The following RHOB variants were observed in gnomAD, a reference collection of about 807,000 sequenced individuals.
RHOB encodes the protein ras homolog family member B, also known as rho-related GTP-binding protein RhoB.
Under a neutral mutation model 12.9 loss-of-function variants are expected in RHOB, and 6 were observed. That is an observed-to-expected ratio of 0.47 (90% CI 0.25 to 0.92). The LOEUF (loss-of-function observed/expected upper bound fraction) is 0.92. Ranked by LOEUF, RHOB falls within the 40% of genes least tolerant of loss-of-function variation. RHOB has a pLI of 0.16. For missense variants in RHOB, 142 were observed against 277.9 expected (o/e 0.51, Z 3.48); for synonymous variants, 168 against 122.1 (o/e 1.38, Z -2.48).
rs1375349744 is a variant in RHOB at position 20,448,164 on chromosome 2, C to A, written c.*108C>A. Reference sequence around the variant, plus strand: ...CCGTGTCCCACAAGGACCCCACCGGCCTGCCTGGCATCTGTCTGCTGACGC... The same window carrying A: ...CCGTGTCCCACAAGGACCCCACCGGACTGCCTGGCATCTGTCTGCTGACGC... On this transcript the variant is annotated 3_prime_UTR_variant, in exon 1 of 1. Coordinates refer to ENST00000272233, the MANE Select transcript of RHOB (RefSeq NM_004040.4). The A allele has an allele frequency of 8.9e-6, 9 of 1,005,640 alleles. No homozygotes were observed. Among genetic ancestry groups the A allele is most frequent in the African/African-American group, 6.5e-5 (4 of 61,330 alleles). 62.3% of individuals were successfully genotyped at this position (1,005,640 alleles called of 1,614,324 possible). A position where few individuals can be genotyped will look rare whatever the true frequency, so the allele number is the denominator to read the frequency against.
rs765233883 is a variant in RHOB, at chr2:20,448,090, C to T, written c.*34C>T. 6.4e-7 allele frequency: 1 copy of T among 1,554,264 alleles called. No homozygotes were observed. Among genetic ancestry groups the T allele is most frequent in the Non-Finnish European group, 8.8e-7 (1 of 1,139,030 alleles). ...CCCGTCGCGCCTGCCCCTGCCGGCACGGCTCCCCCTCCTGGACCAGTCCCC... is the reference window on the plus strand; with the variant it reads ...CCCGTCGCGCCTGCCCCTGCCGGCATGGCTCCCCCTCCTGGACCAGTCCCC... On this transcript the variant is annotated 3_prime_UTR_variant, in exon 1 of 1. Transcript: ENST00000272233.
In RHOB at chr2:20,447,789, C is replaced by A. The variant is rs1368771779; in HGVS notation, c.324C>A (p.Pro108=). The change falls in exon 1 of 1, where the codon CCC becomes CCA. Residue 108 remains proline (P), a synonymous_variant. Coordinates refer to ENST00000272233, the MANE Select transcript of RHOB (RefSeq NM_004040.4). The part of the protein sequence containing the change: ...KWVPEVKHFC[P]NVPIILVANK... Reference sequence around the variant, plus strand: ...TCCCCGAGGTGAAGCACTTCTGTCCCAATGTGCCCATCATCCTGGTGGCCA... The same window carrying A: ...TCCCCGAGGTGAAGCACTTCTGTCCAAATGTGCCCATCATCCTGGTGGCCA... 1 of 1,613,996 alleles carries A rather than the reference C, an allele frequency of 6.2e-7. No homozygotes were observed. Among genetic ancestry groups the A allele is most frequent in the Non-Finnish European group, 8.5e-7 (1 of 1,180,008 alleles).
chr2:20,447,099 C>G lies in RHOB; in HGVS notation c.-367C>G, dbSNP rs376654937. 10 of 209,178 alleles carry G rather than the reference C, an allele frequency of 4.8e-5. No homozygotes were observed. In the East Asian group the frequency reaches 6.5e-4, roughly 13 times the overall value. 13.0% of individuals were successfully genotyped at this position (209,178 alleles called of 1,614,324 possible). A position where few individuals can be genotyped will look rare whatever the true frequency, so the allele number is the denominator to read the frequency against. On this transcript the variant is annotated 5_prime_UTR_variant, in exon 1 of 1. Transcript: ENST00000272233. ...ATCTGCCACCGCAGTCTGGTTGGAG[C>G]TGTTGTCTTGTATGCTCAGCGAGGC...
At position 20,447,750 on chromosome 2, in the gene RHOB, C is replaced by T; in HGVS notation, c.285C>T (p.Ile95=). 1 of 1,614,036 alleles carries T rather than the reference C, an allele frequency of 6.2e-7. No homozygotes were observed. ...SVDSPDSLEN[I]PEKWVPEVKH... ...ACAGCCCGGACTCGCTGGAGAACAT[C>T]CCCGAGAAGTGGGTCCCCGAGGTGA... The change falls in exon 1 of 1, where the codon ATC becomes ATT. Residue 95 remains isoleucine, a synonymous_variant. Coordinates refer to ENST00000272233, the MANE Select transcript of RHOB (RefSeq NM_004040.4).
In RHOB at chr2:20,449,302, ATTG is replaced by A. The variant is rs56774510; in HGVS notation, c.*1251_*1253del. The stretch of plus-strand genomic sequence containing the variant: ...TCCCTCCCAGTGGTACTTCTACTAA[ATTG>A]TTGTCTTGTTTTTTATTTTTTAAAT... On this transcript the variant is annotated 3_prime_UTR_variant, in exon 1 of 1. Coordinates refer to ENST00000272233, the MANE Select transcript of RHOB (RefSeq NM_004040.4). 0.13 allele frequency: 21,436 copies of A among 166,808 alleles called. 1,585 individuals are homozygous for A. The highest frequency in any genetic ancestry group is 0.19 in the African/African-American group (7,749 of 41,392). 10.3% of individuals were successfully genotyped at this position (166,808 alleles called of 1,614,324 possible).
rs1482397760 is a variant in RHOB at position 20,447,373 on chromosome 2, C to T, written c.-93C>T. On this transcript the variant is annotated 5_prime_UTR_variant, in exon 1 of 1. Transcript: ENST00000272233. ...GGTGCAGCTAGCGACCCTCTCGCCA[C>T]CTGCGCGCAGCCCGAGGTGAGCAGT... 4.0e-6 allele frequency: 4 copies of T among 1,010,880 alleles called. No homozygotes were observed. The highest frequency in any genetic ancestry group is 3.5e-5 in the Admixed American group (1 of 28,278). The allele number at this position is 1,010,880 out of a possible 1,614,324, so 62.6% of individuals were successfully genotyped here.
Position 20,447,479 on chromosome 2 carries a change from G to T in RHOB, c.14G>T (p.Arg5Leu). 2 of 1,609,392 alleles carry T rather than the reference G, an allele frequency of 1.2e-6. No individual in the cohort carries two copies. Among genetic ancestry groups the T allele is most frequent in the Non-Finnish European group, 1.7e-6 (2 of 1,177,494 alleles). Residue 5 changes from arginine (R) to leucine (L), a missense_variant, in exon 1 of 1, where the codon CGC (arginine) becomes CTC (leucine). Arg to Leu is a moderately radical substitution (Grantham distance 102, BLOSUM62 -2). Around this residue, in one of 2 missense-constraint regions of RHOB, gnomAD observed 29 missense variants for 111.5 expected, o/e 0.26. Transcript: ENST00000272233. MAAI[R>L]KKLVVVGDGA... ...CCCGGCCCGCTCATGGCGGCCATCC[G>T]CAAGAAGCTGGTGGTGGTGGGCGAC... is the stretch of plus-strand genomic sequence containing the variant.
Position 20,447,678 on chromosome 2 carries a change from G to T in RHOB, c.213G>T (p.Pro71=). ...AGQEDYDRLR[P]LSYPDTDVIL... ...AGGAGGACTACGACCGCCTGCGGCC[G>T]CTCTCCTACCCGGACACCGACGTCA... is the stretch of plus-strand genomic sequence containing the variant. The change falls in exon 1 of 1, where the codon CCG becomes CCT. Residue 71 remains proline (P), a synonymous_variant. Transcript: ENST00000272233. 2.5e-6 allele frequency: 4 copies of T among 1,613,844 alleles called. No homozygotes were observed. The highest frequency in any genetic ancestry group is 2.5e-6 in the Non-Finnish European group (3 of 1,179,902).
Position 20,448,612 on chromosome 2 carries a change from G to T in RHOB, c.*556G>T, listed in dbSNP as rs892831018. 2.4e-5 allele frequency: 4 copies of T among 167,322 alleles called. No homozygotes were observed. The highest frequency in any genetic ancestry group is 9.6e-5 in the African/African-American group (4 of 41,452). 10.4% of individuals were successfully genotyped at this position (167,322 alleles called of 1,614,324 possible). A position where few individuals can be genotyped will look rare whatever the true frequency, so the allele number is the denominator to read the frequency against. ...GTTATTTAAGGGTGGTGATGGGTGAGCGCTCTGGCCCAGGCTGGGCCAGAC... is the reference window on the plus strand; with the variant it reads ...GTTATTTAAGGGTGGTGATGGGTGATCGCTCTGGCCCAGGCTGGGCCAGAC... On this transcript the variant is annotated 3_prime_UTR_variant, in exon 1 of 1. Transcript: ENST00000272233.
Position 20,448,070 on chromosome 2 carries a change from C to G in RHOB, c.*14C>G. 6.3e-7 allele frequency: 1 copy of G among 1,589,076 alleles called. No homozygotes were observed. The highest frequency in any genetic ancestry group is 8.6e-7 in the Non-Finnish European group (1 of 1,165,044). ...AAGGTGCTATGAGGGCCGCGCCCGT[C>G]GCGCCTGCCCCTGCCGGCACGGCTC... On this transcript the variant is annotated 3_prime_UTR_variant, in exon 1 of 1. Coordinates refer to ENST00000272233, the MANE Select transcript of RHOB (RefSeq NM_004040.4).
In RHOB at chr2:20,447,442, C is replaced by T; in HGVS notation, c.-24C>T. The T allele has an allele frequency of 1.9e-6, 3 of 1,575,040 alleles. No homozygotes were observed. The highest frequency in any genetic ancestry group is 2.6e-6 in the Non-Finnish European group (3 of 1,158,082). On this transcript the variant is annotated 5_prime_UTR_variant, in exon 1 of 1. Coordinates refer to ENST00000272233, the MANE Select transcript of RHOB (RefSeq NM_004040.4). ...CAGCGAGGCGTTCGCGGGCCCCCTC[C>T]TGCTGCCCGGGCCCGGCCCGCTCAT...
In RHOB at chr2:20,447,603, T is replaced by C. The variant is rs371439659; in HGVS notation, c.138T>C (p.Ile46=). 20 of 1,613,844 alleles carry C rather than the reference T, an allele frequency of 1.2e-5. No individual in the cohort carries two copies. The highest frequency in any genetic ancestry group is 1.5e-5 in the Non-Finnish European group (18 of 1,179,998). Residue 46 remains isoleucine (I), a synonymous_variant, in exon 1 of 1, where the codon ATT becomes ATC. Coordinates refer to ENST00000272233, the MANE Select transcript of RHOB (RefSeq NM_004040.4). ...PTVFENYVAD[I]EVDGKQVELA... is the part of the protein sequence containing the mutation. ...TCTTCGAGAACTATGTGGCCGACAT[T>C]GAGGTGGACGGCAAGCAGGTGGAGC...
At position 20,447,815 on chromosome 2, in the gene RHOB, A is replaced by G; in HGVS notation, c.350A>G (p.Asn117Ser). The change falls in exon 1 of 1, where the codon AAC becomes AGC. Residue 117 changes from asparagine to serine, a missense_variant. Transcript: ENST00000272233. Reference protein sequence around the residue: ...CPNVPIILVANKKDLRSDEHV... With the variant: ...CPNVPIILVASKKDLRSDEHV... ...AATGTGCCCATCATCCTGGTGGCCAACAAAAAAGACCTGCGCAGCGACGAG... is the reference window on the plus strand; with the variant it reads ...AATGTGCCCATCATCCTGGTGGCCAGCAAAAAAGACCTGCGCAGCGACGAG... The G allele has an allele frequency of 6.2e-7, 1 of 1,613,900 alleles. No individual in the cohort carries two copies. Among genetic ancestry groups the G allele is most frequent in the Non-Finnish European group, 8.5e-7 (1 of 1,179,990 alleles).
chr2:20,447,265 G>C lies in RHOB; in HGVS notation c.-201G>C, dbSNP rs566059207. The C allele has an allele frequency of 7.6e-4, 304 of 400,538 alleles. No homozygotes were observed. Among genetic ancestry groups the C allele is most frequent in the African/African-American group, 5.8e-3 (277 of 47,710 alleles). 24.8% of individuals were successfully genotyped at this position (400,538 alleles called of 1,614,324 possible). A position where few individuals can be genotyped will look rare whatever the true frequency, so the allele number is the denominator to read the frequency against. On this transcript the variant is annotated 5_prime_UTR_variant, in exon 1 of 1. Transcript: ENST00000272233. The stretch of plus-strand genomic sequence containing the variant: ...CCGGGAGCAGCGCGGCGAGACGCAC[G>C]GTGCGCCCTATGCCCCCGCGCCCCC...
Position 20,448,196 on chromosome 2 carries a change from C to T in RHOB, c.*140C>T, listed in dbSNP as rs1691039296. The T allele has an allele frequency of 7.7e-6, 6 of 782,448 alleles. No homozygotes were observed. The highest frequency in any genetic ancestry group is 5.5e-5 in the South Asian group (3 of 54,752). 48.5% of individuals were successfully genotyped at this position (782,448 alleles called of 1,614,324 possible). A position where few individuals can be genotyped will look rare whatever the true frequency, so the allele number is the denominator to read the frequency against. ...GGCATCTGTCTGCTGACGCCTCTGGCTTGCGCCAGGACTTGGCGTGGGCAC... is the reference window on the plus strand; with the variant it reads ...GGCATCTGTCTGCTGACGCCTCTGGTTTGCGCCAGGACTTGGCGTGGGCAC... On this transcript the variant is annotated 3_prime_UTR_variant, in exon 1 of 1. Transcript: ENST00000272233.
rs967760326 is a variant in RHOB, at chr2:20,449,296, T to C, written c.*1240T>C. On this transcript the variant is annotated 3_prime_UTR_variant, in exon 1 of 1. Transcript: ENST00000272233. ...CTCCCCTCCCTCCCAGTGGTACTTC[T>C]ACTAAATTGTTGTCTTGTTTTTTAT... 2 of 163,660 alleles carry C rather than the reference T, an allele frequency of 1.2e-5. No individual in the cohort carries two copies. The highest frequency in any genetic ancestry group is 5.0e-5 in the African/African-American group (2 of 39,706). The allele number at this position is 163,660 out of a possible 1,614,324, so 10.1% of individuals were successfully genotyped here.
At position 20,447,780 on chromosome 2, in the gene RHOB, C is replaced by T. The variant is rs1434621507; in HGVS notation, c.315C>T (p.His105=). The change falls in exon 1 of 1, where the codon CAC becomes CAT. Residue 105 remains histidine (H), a synonymous_variant. Transcript: ENST00000272233. ...AGAAGTGGGTCCCCGAGGTGAAGCA[C>T]TTCTGTCCCAATGTGCCCATCATCC... The part of the protein sequence containing the change: ...IPEKWVPEVK[H]FCPNVPIILV... 1.9e-6 allele frequency: 3 copies of T among 1,613,922 alleles called. No individual in the cohort carries two copies. Among genetic ancestry groups the T allele is most frequent in the African/African-American group, 2.7e-5 (2 of 74,890 alleles).
In RHOB at chr2:20,448,400, C is replaced by T; in HGVS notation, c.*344C>T. ...TTTCACCCCACCCCCGCCTCTGATC[C>T]CCGGGGGCGAGATTGGCGCGGGAGT... On this transcript the variant is annotated 3_prime_UTR_variant, in exon 1 of 1. Coordinates refer to ENST00000272233, the MANE Select transcript of RHOB (RefSeq NM_004040.4). The T allele has an allele frequency of 3.3e-6, 1 of 298,872 alleles. No homozygotes were observed. 18.5% of individuals were successfully genotyped at this position (298,872 alleles called of 1,614,324 possible).
At position 20,447,738 on chromosome 2, in the gene RHOB, G is replaced by T. The variant is rs758478266; in HGVS notation, c.273G>T (p.Ser91=). The change falls in exon 1 of 1, where the codon TCG becomes TCT. Residue 91 remains serine, a synonymous_variant. Coordinates refer to ENST00000272233, the MANE Select transcript of RHOB (RefSeq NM_004040.4). ...LMCFSVDSPD[S]LENIPEKWVP... ...GCTTCTCGGTGGACAGCCCGGACTC[G>T]CTGGAGAACATCCCCGAGAAGTGGG... The T allele has an allele frequency of 5.0e-6, 8 of 1,601,486 alleles. No individual in the cohort carries two copies. Among genetic ancestry groups the T allele is most frequent in the East Asian group, 2.3e-5 (1 of 44,410 alleles).
Sources: gnomAD v4.1 joint callset for allele counts on GRCh38, gnomAD v4.1.1 for gene constraint, gnomAD v4.1.1 regional missense constraint, MANE v1.5 for transcripts, NCBI Gene and HGNC (gene_info 2026-07-23, HGNC 2026-07-21) for gene names.